Variants in SPAG16 observed in about 807,000 individuals in gnomAD.
SPAG16 encodes sperm-associated antigen 16 protein.
A neutral mutation model predicts 80.4 loss-of-function variants in SPAG16; 86 were observed. The observed-to-expected ratio is 1.07, with a 90% CI of 0.90 to 1.28. The LOEUF (loss-of-function observed/expected upper bound fraction) is 1.28. SPAG16 is among the 50% of genes most tolerant of loss of function. SPAG16 has a pLI of 0.00. For missense variants in SPAG16, 870 were observed against 765.3 expected (o/e 1.14, Z -1.61); for synonymous variants, 294 against 265.9 (o/e 1.11, Z -1.03).
intron 15 of SPAG16, among the ~76,000 whole-genome samples, chr2:214,346,954 A>G (rs556866180): frequency 2.0e-5 from 3 of 152,348 alleles, no homozygotes; most frequent in African/African-American, 7.2e-5. Context: ...TGGTTATTTT[A>G]AGCCATTAAG....
chr2:213,757,156 CTT>C (rs929154586), intron 10 of SPAG16, among the ~76,000 whole-genome samples: 1 of 151,982 alleles, frequency 6.6e-6, no homozygotes, highest in Non-Finnish European at 1.5e-5. Flanking sequence ...GAAATATAAA[CTT>C]AACAGGAGAC....
chr2:213,494,556 CCTGTATTA>C (rs1162416616), intron 10 of SPAG16, among the ~76,000 whole-genome samples: 1 of 152,186 alleles, frequency 6.6e-6, no homozygotes, highest in Non-Finnish European at 1.5e-5. Flanking sequence ...CTTCTTTCTA[CCTGTATTA>C]CTGTGGTCAT....
chr2:214,276,018 T>G (rs920342397), intron 15 of SPAG16, among the ~76,000 whole-genome samples: 1 of 152,224 alleles, frequency 6.6e-6, no homozygotes, highest in African/African-American at 2.4e-5. Flanking sequence ...TAGCTCTTCT[T>G]GTTGAATTGA....
intron 15 of SPAG16, among the ~76,000 whole-genome samples, chr2:214,318,899 A>T (rs1695883490): frequency 6.6e-6 from 1 of 152,122 alleles, no homozygotes; most frequent in South Asian, 2.1e-4. Flanking sequence ...TGGAGTGAGG[A>T]TCTAGATAAG....
intron 13 of SPAG16, among the ~76,000 whole-genome samples, chr2:214,062,020 C>CACACACACACACACACACACACAT (rs1553706944): frequency 2.5e-4 from 36 of 146,668 alleles, no homozygotes; most frequent in Middle Eastern, 3.5e-3. Flanking sequence ...CACACACACA[C>CACACACACACACACACACACACAT]GCAGTGTGTA....
In SPAG16 at chr2:213,354,522, A is replaced by G. The variant is rs549084903; in HGVS notation, c.762+3877A>G. On this transcript the variant is annotated intron_variant, in intron 7 of 15. Transcript: ENST00000331683. Reference sequence around the variant, plus strand: ...CCACCAACAGTGTAAAATCATTCCTATTTCTCCACATCCTCTCCAGCATCT... The same window carrying G: ...CCACCAACAGTGTAAAATCATTCCTGTTTCTCCACATCCTCTCCAGCATCT... Among the ~76,000 whole-genome samples the G allele has an allele frequency of 1.7e-4, 26 of 152,118 alleles. No individual in the cohort carries two copies. The East Asian group carries it at 3.5e-3, about 20-fold the overall frequency.
chr2:213,679,340 A>G (rs1209880975), intron 10 of SPAG16, among the ~76,000 whole-genome samples: 2 of 152,198 alleles, frequency 1.3e-5, no homozygotes, highest in Non-Finnish European at 2.9e-5. Flanking sequence ...GAACCAGATA[A>G]TAATTACAAA....
At chr2:213,659,848 A>G (rs908591584) in intron 10 of SPAG16, among the ~76,000 whole-genome samples, 2 of 152,010 alleles carry the variant, frequency 1.3e-5, no homozygotes, top group Non-Finnish European at 2.9e-5. Flanking sequence ...GTTCCTTGCT[A>G]TTTACTTATA....
intron 15 of SPAG16, among the ~76,000 whole-genome samples, chr2:214,204,216 C>T (rs1293655275): frequency 1.3e-5 from 2 of 152,196 alleles, no homozygotes; most frequent in Non-Finnish European, 2.9e-5. Flanking sequence ...CTAACCCTGC[C>T]CTCACCTGAT....
chr2:213,507,042 T>C (rs963057934), intron 10 of SPAG16, among the ~76,000 whole-genome samples: 7 of 152,208 alleles, frequency 4.6e-5, no homozygotes, highest in East Asian at 1.9e-4. Context: ...CTGTGTTGCA[T>C]TGACTAATCA....
At chr2:213,774,936 A>G (rs1189421042) in intron 10 of SPAG16, among the ~76,000 whole-genome samples, 1 of 152,244 alleles carries the variant, frequency 6.6e-6, no homozygotes, top group Non-Finnish European at 1.5e-5. Context: ...CATATCTCCT[A>G]CTCAGCTCCC....
At chr2:213,337,395 C>G (rs1443531852) in intron 5 of SPAG16, among the ~76,000 whole-genome samples, 2 of 152,162 alleles carry the variant, frequency 1.3e-5, no homozygotes, top group Non-Finnish European at 2.9e-5. Flanking sequence ...CAGAAGTAGG[C>G]TTCAGAAGAT....
intron 15 of SPAG16, among the ~76,000 whole-genome samples, chr2:214,196,502 G>A (rs1016921334): frequency 6.6e-6 from 1 of 152,044 alleles, no homozygotes; most frequent in Non-Finnish European, 1.5e-5. Flanking sequence ...GCTAAATTCA[G>A]AATGGAAGAA....
chr2:213,825,046 G>A (rs947580116), intron 10 of SPAG16, among the ~76,000 whole-genome samples: 1 of 151,710 alleles, frequency 6.6e-6, no homozygotes, highest in African/African-American at 2.4e-5. Flanking sequence ...ATGTAGAAAT[G>A]TAGAAATGCT....
chr2:213,793,307 A>G (rs2070820812), intron 10 of SPAG16, among the ~76,000 whole-genome samples: 1 of 152,164 alleles, frequency 6.6e-6, no homozygotes, highest in Non-Finnish European at 1.5e-5. Flanking sequence ...TAAGATAAAC[A>G]GTACCCCAAA....
At chr2:214,185,983 T>C (rs12616248) in intron 15 of SPAG16, among the ~76,000 whole-genome samples, 45,625 of 151,928 alleles carry the variant, frequency 0.3, 8,544 homozygotes, top group Non-Finnish European at 0.42. Flanking sequence ...TAGGGCAGAG[T>C]CCTTGTTTGT....
intron 13 of SPAG16, among the ~76,000 whole-genome samples, chr2:214,092,531 A>G (rs146213173): frequency 6.6e-6 from 1 of 150,694 alleles, no homozygotes. Flanking sequence ...ATGGCCCTTT[A>G]TCTGTTTATC....
chr2:213,842,434 T>G (rs778822260), intron 10 of SPAG16, among the ~76,000 whole-genome samples: 88 of 152,116 alleles, frequency 5.8e-4, no homozygotes, highest in Non-Finnish European at 1.2e-3. Flanking sequence ...AAAATTTATA[T>G]ACATATATAC....
intron 10 of SPAG16, among the ~76,000 whole-genome samples, chr2:213,862,005 AT>A (rs1432648279): frequency 2.0e-5 from 3 of 152,128 alleles, no homozygotes; most frequent in Admixed American, 6.5e-5. Context: ...CATTTATAGT[AT>A]TTATTACAGA....
Sources: allele counts gnomAD v4.1 joint callset (sites outside exome capture counted in the v4.1 genomes callset), GRCh38; gene constraint gnomAD v4.1.1; transcripts MANE v1.5; gene names NCBI Gene and HGNC (gene_info 2026-07-23, HGNC 2026-07-21).